The following PTPRG variants were observed in gnomAD, a reference collection of about 807,000 sequenced individuals.
The protein encoded by PTPRG is receptor-type tyrosine-protein phosphatase gamma.
In PTPRG, 102 loss-of-function variants were observed where a neutral mutation model predicts 165.3. The observed-to-expected ratio is 0.62, with a 90% CI of 0.53 to 0.73. PTPRG has a LOEUF of 0.73. PTPRG is among the 30% of genes least tolerant of loss of function. The pLI is 0.00. For synonymous variants in PTPRG, 675 were observed against 669.5 expected, an observed-to-expected ratio of 1.01 and a Z score of -0.13; for missense variants, 1,866 against 1,861.4, an observed-to-expected ratio of 1.00 and a Z score of -0.05.
At chr3:62,092,037 A>T (rs1471541648) in intron 5 of PTPRG, among the ~76,000 whole-genome samples, 2 of 148,346 alleles carry the variant, frequency 1.3e-5, no homozygotes, top group African/African-American at 5.0e-5. Flanking sequence ...GGTCCCTATC[A>T]TTAGGGAGGT....
chr3:61,853,240 GC>G (rs2037015013), intron 2 of PTPRG, among the ~76,000 whole-genome samples: 2 of 152,198 alleles, frequency 1.3e-5, no homozygotes, highest in South Asian at 4.1e-4. Context: ...GTTCAGAATG[GC>G]CCCCATAATC....
At chr3:61,931,033 C>G (rs1294038247) in intron 2 of PTPRG, among the ~76,000 whole-genome samples, 1 of 152,200 alleles carries the variant, frequency 6.6e-6, no homozygotes, top group Non-Finnish European at 1.5e-5. Context: ...TGCAGTCCAG[C>G]CTGGGTGACA....
intron 1 of PTPRG, among the ~76,000 whole-genome samples, chr3:61,736,688 A>T (rs1464799819): frequency 3.9e-5 from 6 of 152,148 alleles, no homozygotes; most frequent in Admixed American, 1.3e-4. Context: ...GTGGAAGTAC[A>T]CACTTAACAA....
chr3:61,794,289 TAAA>T (rs1411559638), intron 2 of PTPRG, among the ~76,000 whole-genome samples: 2 of 152,206 alleles, frequency 1.3e-5, no homozygotes, highest in Non-Finnish European at 2.9e-5. Flanking sequence ...TACTATTATT[TAAA>T]AAATTCTTCT....
At chr3:61,794,085 G>C (rs1015120445) in intron 2 of PTPRG, among the ~76,000 whole-genome samples, 12 of 152,146 alleles carry the variant, frequency 7.9e-5, no homozygotes, top group African/African-American at 2.9e-4. Context: ...TGTTTCGTTT[G>C]CCCAACTGCC....
chr3:62,070,596 T>TA (rs372130846), intron 4 of PTPRG, among the ~76,000 whole-genome samples: 131 of 152,370 alleles, frequency 8.6e-4, no homozygotes, highest in African/African-American at 3.1e-3. Context: ...GAATTAGAGT[T>TA]AGAGTGTAGT....
intron 2 of PTPRG, among the ~76,000 whole-genome samples, chr3:61,971,662 T>C (rs1408101002): frequency 1.3e-5 from 2 of 152,362 alleles, no homozygotes; most frequent in African/African-American, 4.8e-5. Context: ...GTCACATAGG[T>C]ATACTTCCAG....
At chr3:61,752,802 G>GAAAAGAA (rs1553660820) in intron 2 of PTPRG, among the ~76,000 whole-genome samples, 8 of 103,712 alleles carry the variant, frequency 7.7e-5, no homozygotes, top group South Asian at 3.4e-4. Flanking sequence ...AAAAAAAAAA[G>GAAAAGAA]AAAAAAAAAA....
intron 24 of PTPRG, 65 bp from the exon 25 acceptor site, chr3:62,276,907 A>C: frequency 8.1e-7 from 1 of 1,227,718 alleles, no homozygotes; most frequent in South Asian, 1.3e-5. Flanking sequence ...AAATCTCAGA[A>C]AGAGCTGTTG....
At chr3:62,093,463 A>AG (rs1300192166) in intron 5 of PTPRG, among the ~76,000 whole-genome samples, 8 of 152,370 alleles carry the variant, frequency 5.3e-5, no homozygotes, top group Admixed American at 1.3e-4. Flanking sequence ...TATTATAAAA[A>AG]GTAGTAGTAA....
At chr3:61,601,316 C>T (rs1246579102) in intron 1 of PTPRG, among the ~76,000 whole-genome samples, 3 of 152,184 alleles carry the variant, frequency 2.0e-5, no homozygotes, top group Admixed American at 2.0e-4. Flanking sequence ...GTATCGGCTT[C>T]TGTTCGATGC....
At chr3:62,209,073 T>A (rs780786676) in intron 12 of PTPRG, among the ~76,000 whole-genome samples, 3 of 152,252 alleles carry the variant, frequency 2.0e-5, no homozygotes, top group Non-Finnish European at 2.9e-5. Flanking sequence ...CCAGATGATT[T>A]CAGATGCAGT....
rs962017114 is a variant in PTPRG, at chr3:61,732,756, A to G, written c.86-16122A>G. Among the ~76,000 whole-genome samples, 36 of 142,608 alleles carry G rather than the reference A, an allele frequency of 2.5e-4. 1 individual carries two copies. The highest frequency in any genetic ancestry group is 2.4e-3 in the Admixed American group (34 of 13,904). The allele number at this position is 142,608 out of a possible 152,430, so 93.6% of individuals were successfully genotyped here. ...AATAAATAAATAAATAAATAAATAA[A>G]TAAATCTTGCATTAGCTAGGGGCGA... is the stretch of plus-strand genomic sequence containing the variant. On this transcript the variant is annotated intron_variant, in intron 1 of 29. Transcript: ENST00000474889.
chr3:62,024,799 C>A (rs1432905891), intron 4 of PTPRG, among the ~76,000 whole-genome samples: 1 of 152,128 alleles, frequency 6.6e-6, no homozygotes, highest in Non-Finnish European at 1.5e-5. Context: ...CTGATAAATG[C>A]TTTAGACTTG....
At chr3:61,929,947 T>C (rs957675641) in intron 2 of PTPRG, among the ~76,000 whole-genome samples, 2 of 152,224 alleles carry the variant, frequency 1.3e-5, no homozygotes, top group African/African-American at 2.4e-5. Context: ...TAATGAAATA[T>C]CTTGTTTTAA....
rs977756562 is a variant in PTPRG at position 62,213,981 on chromosome 3, G to T, written c.2156-4870G>T. ...GGGGGCTGAGGCAGGAGGATCCCTT[G>T]AGCCCAGAAGTTCGAGACCAGCCTG... On this transcript the variant is annotated intron_variant, in intron 12 of 29. Coordinates refer to ENST00000474889, the MANE Select transcript of PTPRG (RefSeq NM_002841.4). The surrounding 1 kb of genome is among the most constrained non-coding windows in gnomAD (Gnocchi z 4.4). 6.6e-6 allele frequency among the ~76,000 whole-genome samples: 1 copy of T among 152,094 alleles called. No homozygotes were observed. Among genetic ancestry groups the T allele is most frequent in the Non-Finnish European group, 1.5e-5 (1 of 68,028 alleles).
At chr3:61,703,642 G>GT (rs1188123478) in intron 1 of PTPRG, among the ~76,000 whole-genome samples, 1 of 152,132 alleles carries the variant, frequency 6.6e-6, no homozygotes, top group Non-Finnish European at 1.5e-5. Flanking sequence ...GCATAGGATT[G>GT]TATCAGTGAA....
chr3:61,784,500 C>T (rs895170182), intron 2 of PTPRG, among the ~76,000 whole-genome samples: 1 of 151,972 alleles, frequency 6.6e-6, no homozygotes, highest in African/African-American at 2.4e-5. Context: ...GGAATGAGTA[C>T]GGACTGTGGT....
At chr3:61,956,648 A>G (rs2040038639) in intron 2 of PTPRG, among the ~76,000 whole-genome samples, 1 of 152,224 alleles carries the variant, frequency 6.6e-6, no homozygotes, top group Admixed American at 6.5e-5. Context: ...AGGAAAATGA[A>G]GCAGGGCAAA....
Sources: gnomAD v4.1 joint callset for allele counts (sites outside exome capture counted in the v4.1 genomes callset) on GRCh38, gnomAD v4.1.1 for gene constraint, Gnocchi (gnomAD v3.1) non-coding constraint, MANE v1.5 for transcripts, NCBI Gene and HGNC (gene_info 2026-07-23, HGNC 2026-07-21) for gene names.